Variants in TTLL7 observed in about 807,000 individuals in gnomAD.
TTLL7 encodes tubulin tyrosine ligase like 7.
A neutral mutation model predicts 120.2 loss-of-function variants in TTLL7; 53 were observed. That is an observed-to-expected ratio of 0.44 (90% CI 0.35 to 0.55). The LOEUF (loss-of-function observed/expected upper bound fraction) is 0.55. Ranked by LOEUF, TTLL7 falls within the 20% of genes least tolerant of loss-of-function variation. The pLI, the probability that TTLL7 is intolerant of heterozygous loss-of-function variation, is 0.00. For synonymous variants in TTLL7, 353 were observed against 351.7 expected, an observed-to-expected ratio of 1.00 and a Z score of -0.04; for missense variants, 803 against 1,054.7, an observed-to-expected ratio of 0.76 and a Z score of 3.31.
chr1:83,969,579 T>C (rs111347644), intron 1 of TTLL7, among the ~76,000 whole-genome samples: 33 of 152,096 alleles, frequency 2.2e-4, no homozygotes, highest in Non-Finnish European at 3.7e-4. Flanking sequence ...TTAGAAAGTA[T>C]AACAAAAGTC....
chr1:83,960,715 C>T (rs1200250212), intron 1 of TTLL7, among the ~76,000 whole-genome samples: 3 of 151,958 alleles, frequency 2.0e-5, no homozygotes, highest in Admixed American at 2.0e-4. Context: ...CACAAAGGTC[C>T]CTTCCAAAGC....
rs145803417 is a variant in TTLL7 at position 83,890,374 on chromosome 1, A to G, written c.2316T>C (p.Asn772=). ...CTTGGCCACGACTCCAGAGTAAGCG[A>G]TTAAAAACCCGGTTGAAAATCCGAT... The part of the protein sequence containing the change: ...NLYRIFNRVF[N]RLLWSRGQGL... The change falls in exon 19 of 21, where the codon AAT becomes AAC. Residue 772 remains asparagine, a synonymous_variant. Transcript: ENST00000260505. 3.1e-6 allele frequency: 5 copies of G among 1,613,358 alleles called. No homozygotes were observed. Among genetic ancestry groups the G allele is most frequent in the Non-Finnish European group, 4.2e-6 (5 of 1,179,614 alleles).
chr1:83,956,274 TTATTTATTTATG>T (rs1241506176), intron 1 of TTLL7, among the ~76,000 whole-genome samples: 379 of 150,446 alleles, frequency 2.5e-3, no homozygotes, highest in African/African-American at 8.8e-3. Flanking sequence ...TTATTTTTAT[TTATTTATTTATG>T]TATTTATTTA....
At chr1:83,893,606 CT>C (rs1176685840) in intron 18 of TTLL7, among the ~76,000 whole-genome samples, 1 of 152,116 alleles carries the variant, frequency 6.6e-6, no homozygotes, top group African/African-American at 2.4e-5. Flanking sequence ...AATGATTTCT[CT>C]TTAAAACAGC....
chr1:83,890,238 T>G, intron 19 of TTLL7, 83 bp downstream of exon 19: 1 of 1,353,768 alleles, frequency 7.4e-7, no homozygotes, highest in Non-Finnish European at 1.0e-6. Flanking sequence ...TAAAAGATCA[T>G]TCAAGCATTT....
At position 83,916,077 on chromosome 1, in the gene TTLL7, G is replaced by T. The variant is rs1658130115; in HGVS notation, c.1587+1527C>A. Among the ~76,000 whole-genome samples the T allele has an allele frequency of 5.3e-5, 8 of 152,300 alleles. No homozygotes were observed. The South Asian group carries it at 1.7e-3, about 32-fold the overall frequency. ...ACTAGTTCAACCATTGTGGAAGTCA[G>T]TGTGGCGATTCCTCAGGGATCTAGA... is the stretch of plus-strand genomic sequence containing the variant. On this transcript the variant is annotated intron_variant, in intron 14 of 20. Transcript: ENST00000260505.
chr1:83,942,647 G>A lies in TTLL7; in HGVS notation c.539C>T (p.Pro180Leu), dbSNP rs754846884. The A allele has an allele frequency of 2.5e-6, 4 of 1,613,158 alleles. No homozygotes were observed. In the South Asian group the frequency reaches 3.3e-5, roughly 13 times the overall value. Reference sequence around the variant, plus strand: ...TTGAACAATCAAATGATCCTGAGATGGAAGTTTGTCACCATTTCTTATCAA... The same window carrying A: ...TTGAACAATCAAATGATCCTGAGATAGAAGTTTGTCACCATTTCTTATCAA... ...ISLIRNGDKL[P>L]SQDHLIVQEY... The change falls in exon 7 of 21, where the codon CCA (proline) becomes CTA (leucine). Residue 180 changes from proline to leucine, a missense_variant. Physicochemically the swap from Pro to Leu is moderately conservative, Grantham distance 98. This residue lies in a region of TTLL7 where 324 missense variants were observed against 507.7 expected (regional missense o/e 0.64). Coordinates refer to ENST00000260505, the MANE Select transcript of TTLL7 (RefSeq NM_024686.6).
chr1:83,896,801 C>G (rs989191751), intron 18 of TTLL7, among the ~76,000 whole-genome samples: 5 of 152,092 alleles, frequency 3.3e-5, no homozygotes, highest in Non-Finnish European at 5.9e-5. Flanking sequence ...ATCCTCCACT[C>G]TTAGTTTATG....
chr1:83,974,531 A>G (rs1651284758), intron 1 of TTLL7, among the ~76,000 whole-genome samples: 1 of 152,036 alleles, frequency 6.6e-6, no homozygotes, highest in South Asian at 2.1e-4. Flanking sequence ...GTATCTACTT[A>G]ATACAATGAA....
At chr1:83,907,748 T>C (rs945110371) in intron 15 of TTLL7, 87 bp from the exon 16 acceptor site, 1 of 1,152,434 alleles carries the variant, frequency 8.7e-7, no homozygotes. Context: ...CTAAAGATTA[T>C]AGCAGCTAGT....
At chr1:83,914,713 A>G (rs571898757) in intron 14 of TTLL7, among the ~76,000 whole-genome samples, 1 of 152,200 alleles carries the variant, frequency 6.6e-6, no homozygotes, top group South Asian at 2.1e-4. Flanking sequence ...AGCCATCCAC[A>G]TGCTACCAAT....
In TTLL7 at chr1:83,993,808, C is replaced by T. The variant is rs544407501; in HGVS notation, c.-177+5123G>A. 2.6e-5 allele frequency among the ~76,000 whole-genome samples: 4 copies of T among 152,290 alleles called. No homozygotes were observed. The South Asian group carries it at 8.3e-4, about 32-fold the overall frequency. On this transcript the variant is annotated intron_variant, in intron 1 of 20. Coordinates refer to ENST00000260505, the MANE Select transcript of TTLL7 (RefSeq NM_024686.6). Reference sequence around the variant, plus strand: ...TCACCATCCCAGAGCCAAAACAATTCCAATATCTTGGCTCTGTCAACTACT... The same window carrying T: ...TCACCATCCCAGAGCCAAAACAATTTCAATATCTTGGCTCTGTCAACTACT...
rs183927042 is a variant in TTLL7, at chr1:83,981,975, C to T, written c.-177+16956G>A. ...CCAGTAGGCTATGATTGACATTAGACATTCTACTCAAGAATTTCTCAAGTG... is the reference window on the plus strand; with the variant it reads ...CCAGTAGGCTATGATTGACATTAGATATTCTACTCAAGAATTTCTCAAGTG... On this transcript the variant is annotated intron_variant, in intron 1 of 20. Coordinates refer to ENST00000260505, the MANE Select transcript of TTLL7 (RefSeq NM_024686.6). Among the ~76,000 whole-genome samples, 423 of 152,232 alleles carry T rather than the reference C, an allele frequency of 2.8e-3. 1 individual carries two copies. Among genetic ancestry groups the T allele is most frequent in the African/African-American group, 9.8e-3 (407 of 41,530 alleles).
Position 83,911,156 on chromosome 1 carries a change from T to C in TTLL7, c.1786+9A>G. On this transcript the variant is annotated intron_variant, in intron 15 of 20. Transcript: ENST00000260505. Reference sequence around the variant, plus strand: ...TATATAACATCTAAATTAGAAGAAATTGACTTACTGGGTTGTTGAATTAAT... The same window carrying C: ...TATATAACATCTAAATTAGAAGAAACTGACTTACTGGGTTGTTGAATTAAT... The C allele has an allele frequency of 2.5e-6, 4 of 1,595,390 alleles. No homozygotes were observed. Among genetic ancestry groups the C allele is most frequent in the Admixed American group, 1.7e-5 (1 of 59,300 alleles).
Position 83,919,820 on chromosome 1 carries a change from G to A in TTLL7, c.1379C>T (p.Pro460Leu). 1 of 1,610,680 alleles carries A rather than the reference G, an allele frequency of 6.2e-7. No homozygotes were observed. The highest frequency in any genetic ancestry group is 8.5e-7 in the Non-Finnish European group (1 of 1,178,784). Residue 460 changes from proline to leucine, a missense_variant, in exon 13 of 21, where the codon CCT becomes CTT. Transcript: ENST00000260505. ...CTTTTCAAGTAATGCTTTATCTTCAGGAGGATAAATTCGTCTACAACAAAA... is the reference window on the plus strand; with the variant it reads ...CTTTTCAAGTAATGCTTTATCTTCAAGAGGATAAATTCGTCTACAACAAAA... ...HMGNYRRIYP[P>L]EDKALLEKYE...
At chr1:83,874,091 C>T (rs1653695930) in intron 20 of TTLL7, among the ~76,000 whole-genome samples, 1 of 152,004 alleles carries the variant, frequency 6.6e-6, no homozygotes, top group Admixed American at 6.6e-5. Flanking sequence ...AACTTTTCAT[C>T]ATCTCAAACA....
chr1:83,917,550 C>T, intron 14 of TTLL7, 54 bp downstream of exon 14: 2 of 1,281,988 alleles, frequency 1.6e-6, no homozygotes, highest in Non-Finnish European at 2.3e-6. Flanking sequence ...TGAGAAGTAT[C>T]AAGGGCTAGT....
At chr1:83,920,037 A>G (rs1658511296) in intron 12 of TTLL7, among the ~76,000 whole-genome samples, 1 of 152,178 alleles carries the variant, frequency 6.6e-6, no homozygotes, top group Non-Finnish European at 1.5e-5. Context: ...TAATAGATTC[A>G]CTTAGTAACT....
Position 83,867,540 on chromosome 1 carries a change from G to GTT in TTLL7, c.*2421_*2422insAA, listed in dbSNP as rs386367505. 2.0e-5 allele frequency: 3 copies of GTT among 151,848 alleles called. No individual in the cohort carries two copies. The highest frequency in any genetic ancestry group is 4.4e-5 in the Non-Finnish European group (3 of 67,868). 9.4% of individuals were successfully genotyped at this position (151,848 alleles called of 1,614,324 possible). On this transcript the variant is annotated 3_prime_UTR_variant, in exon 21 of 21. Transcript: ENST00000260505. ...TACTCAGTTTTTAAATTGTGTGTGT[G>GTT]TGTGTGTGTGTGTTTTCTGTGAGGA...
Sources: allele counts gnomAD v4.1 joint callset (sites outside exome capture counted in the v4.1 genomes callset), GRCh38; gene constraint gnomAD v4.1.1; regional missense constraint gnomAD v4.1.1; transcripts MANE v1.5; gene names NCBI Gene and HGNC (gene_info 2026-07-23, HGNC 2026-07-21).